TTC12: variants seen among roughly 807,000 people sequenced by gnomAD.
TTC12 encodes the protein tetratricopeptide repeat protein 12.
A neutral mutation model predicts 90.1 loss-of-function variants in TTC12; 70 were observed. That is an observed-to-expected ratio of 0.78 (90% CI 0.64 to 0.95). TTC12 has a LOEUF of 0.95. Ranked by LOEUF, TTC12 falls within the 40% of genes least tolerant of loss-of-function variation. The pLI, the probability that TTC12 is intolerant of heterozygous loss-of-function variation, is 0.00. For synonymous variants in TTC12, 296 were observed against 311.5 expected (o/e 0.95, Z 0.53); for missense variants, 819 against 846.1 (o/e 0.97, Z 0.40).
intron 2 of TTC12, among the ~76,000 whole-genome samples, chr11:113,318,629 C>T (rs1322997880): frequency 6.6e-6 from 1 of 152,012 alleles, no homozygotes; most frequent in Non-Finnish European, 1.5e-5. Context: ...GCAATTTAGT[C>T]CATAACAGAA....
rs1948833884 is a variant in TTC12 at position 113,344,341 on chromosome 11, A to G, written c.1055A>G (p.Lys352Arg). Residue 352 changes from lysine to arginine, a missense_variant, in exon 13 of 22, where the codon AAG becomes AGG. Transcript: ENST00000529221. Reference protein sequence around the residue: ...ARLLAALLSSKVLAIRQQSFA... With the variant: ...ARLLAALLSSRVLAIRQQSFA... ...CTGTTGGCCGCCCTCTTGTCCTCCA[A>G]GGTCCTGGCCATCCGGCAGCAGAGC... 33 of 1,614,110 alleles carry G rather than the reference A, an allele frequency of 2.0e-5. No homozygotes were observed. The highest frequency in any genetic ancestry group is 2.7e-5 in the Non-Finnish European group (32 of 1,180,038).
At chr11:113,333,563 C>T (rs1221205739) in intron 7 of TTC12, among the ~76,000 whole-genome samples, 3 of 152,008 alleles carry the variant, frequency 2.0e-5, no homozygotes, top group African/African-American at 4.8e-5. Flanking sequence ...TCTGTGTGAC[C>T]TTGGGCCTCT....
At chr11:113,338,944 T>A in intron 9 of TTC12, 110 bp downstream of exon 9, 1 of 944,932 alleles carries the variant, frequency 1.1e-6, no homozygotes, top group Middle Eastern at 2.4e-4. Context: ...CAGCGGCGGA[T>A]CCTCTTTCCT....
At chr11:113,361,955 A>T (rs79092131) in intron 18 of TTC12, among the ~76,000 whole-genome samples, 9 of 62,848 alleles carry the variant, frequency 1.4e-4, no homozygotes, top group African/African-American at 2.4e-4. Flanking sequence ...GCATTTATTT[A>T]AAAAAAAAAA....
intron 18 of TTC12, among the ~76,000 whole-genome samples, chr11:113,360,658 C>T (rs1235631722): frequency 6.6e-6 from 1 of 152,162 alleles, no homozygotes; most frequent in African/African-American, 2.4e-5. Context: ...AGTGATCACC[C>T]GTTTTTCTCC....
intron 8 of TTC12, among the ~76,000 whole-genome samples, chr11:113,337,895 G>A (rs1948460558): frequency 1.3e-5 from 2 of 152,158 alleles, no homozygotes; most frequent in Admixed American, 6.5e-5. Context: ...AAAAATTGTT[G>A]CTAGATTAGA....
chr11:113,347,258 G>A (rs782615006), intron 13 of TTC12, among the ~76,000 whole-genome samples: 1 of 152,210 alleles, frequency 6.6e-6, no homozygotes, highest in Non-Finnish European at 1.5e-5. Context: ...CATTCCTGAA[G>A]ATGTTAGGGA....
chr11:113,330,018 C>T (rs1555142263), intron 7 of TTC12, 39 bp downstream of exon 7: 4 of 1,522,224 alleles, frequency 2.6e-6, no homozygotes. Flanking sequence ...TAGTGTTGGG[C>T]TGAAGTAGAT....
rs577107366 is a variant in TTC12 at position 113,340,828 on chromosome 11, C to A, written c.896+95C>A. On this transcript the variant is annotated intron_variant, in intron 11 of 21. Coordinates refer to ENST00000529221, the MANE Select transcript of TTC12 (RefSeq NM_017868.4). ...ACGAGGCACATAGACAGTCACGTTT[C>A]TGAACATTACCCCCCTTCAGTCAGT... is the stretch of plus-strand genomic sequence containing the variant. 6.3e-5 allele frequency: 66 copies of A among 1,051,186 alleles called. No homozygotes were observed. In the African/African-American group the frequency reaches 8.3e-4, roughly 13 times the overall value. 65.1% of individuals were successfully genotyped at this position (1,051,186 alleles called of 1,614,324 possible).
chr11:113,321,855 A>T (rs1331894351), intron 2 of TTC12, among the ~76,000 whole-genome samples: 2 of 152,228 alleles, frequency 1.3e-5, no homozygotes, highest in African/African-American at 4.8e-5. Context: ...AAGCAGAGCC[A>T]CTTAGATGAC....
Position 113,338,825 on chromosome 11 carries a change from C to T in TTC12, c.628C>T (p.Gln210Ter). Reference protein sequence around the residue: ...ILEINPKLQTQVKGYLNQVDL... With the variant: ...ILEINPKLQT ...AGAAATAAACCCCAAGCTGCAAACC[C>T]AGGTGAAAGGTGAGCACGTTCCTGC... is the stretch of plus-strand genomic sequence containing the variant. The change falls in exon 9 of 22, where the codon CAG (glutamine) becomes TAG (stop). Residue 210 changes from glutamine to a stop codon, truncating the protein, a stop_gained. Coordinates refer to ENST00000529221, the MANE Select transcript of TTC12 (RefSeq NM_017868.4). LOFTEE classifies it high-confidence loss of function. The T allele has an allele frequency of 6.2e-7, 1 of 1,614,000 alleles. No homozygotes were observed.
At chr11:113,362,921 C>A (rs1288313436) in intron 19 of TTC12, among the ~76,000 whole-genome samples, 1 of 152,166 alleles carries the variant, frequency 6.6e-6, no homozygotes, top group African/African-American at 2.4e-5. Flanking sequence ...ATGTAGCCTG[C>A]AGAATTACCA....
intron 1 of TTC12, chr11:113,314,885 A>AGGCTCCGCGCGGGGCCCGGGGG (rs1555134578): frequency 9.4e-6 from 1 of 106,816 alleles, no homozygotes; most frequent in Non-Finnish European, 1.9e-5. Context: ...GGGCTCGGGC[A>AGGCTCCGCGCGGGGCCCGGGGG]CAGGTCCCCG....
At chr11:113,355,564 ATTTCT>A (rs1949588337) in intron 16 of TTC12, among the ~76,000 whole-genome samples, 1 of 151,930 alleles carries the variant, frequency 6.6e-6, no homozygotes, top group Admixed American at 6.6e-5. Flanking sequence ...AACATGAGAT[ATTTCT>A]AACTTTTTAG....
intron 6 of TTC12, 149 bp downstream of exon 6, chr11:113,325,794 A>G (rs1222671166): frequency 1.0e-6 from 1 of 952,588 alleles, no homozygotes; most frequent in Non-Finnish European, 1.5e-6. Flanking sequence ...TGACTTATAC[A>G]CAGCATTTAC....
At chr11:113,323,490 GTGAGA>G in intron 3 of TTC12, 39 bp downstream of exon 3, 1 of 1,436,064 alleles carries the variant, frequency 7.0e-7, no homozygotes, top group Non-Finnish European at 9.3e-7. Flanking sequence ...AGTACTTACA[GTGAGA>G]AGACCTACAC....
chr11:113,323,219 C>A, intron 2 of TTC12, 69 bp from the exon 3 acceptor site: 1 of 1,241,260 alleles, frequency 8.1e-7, no homozygotes, highest in Admixed American at 2.8e-5. Context: ...TTTTATGCAC[C>A]ATCCTTTCTA....
chr11:113,345,979 G>T (rs1450800337), intron 13 of TTC12, among the ~76,000 whole-genome samples: 8 of 152,034 alleles, frequency 5.3e-5, no homozygotes. Context: ...ATGCCCACTA[G>T]CCTCCTTAAC....
At chr11:113,366,752 C>T (rs1950231625), downstream of TTC12, among the ~76,000 whole-genome samples, 1 of 152,234 alleles carries the variant, frequency 6.6e-6, no homozygotes, top group Non-Finnish European at 1.5e-5. Context: ...GTTGCATTGG[C>T]ATCATTGGTG....
Sources: gnomAD v4.1 joint callset for allele counts (sites outside exome capture counted in the v4.1 genomes callset) on GRCh38, gnomAD v4.1.1 for gene constraint, MANE v1.5 for transcripts, NCBI Gene and HGNC (gene_info 2026-07-23, HGNC 2026-07-21) for gene names.